PANX1: variants seen among roughly 807,000 people sequenced by gnomAD.
PANX1 encodes pannexin 1.
PANX1 carries 30 observed loss-of-function variants against 38.7 expected under a neutral mutation model. The observed-to-expected ratio is 0.78, with a 90% CI of 0.58 to 1.05. The LOEUF (loss-of-function observed/expected upper bound fraction) is 1.05, where lower values mean the gene tolerates loss of function less well. PANX1 is among the 50% of genes least tolerant of loss of function. The pLI is 0.00. For missense variants in PANX1, 551 were observed against 517.2 expected (o/e 1.07, Z -0.63); for synonymous variants, 230 against 212.2 (o/e 1.08, Z -0.73).
intron 1 of PANX1, among the ~76,000 whole-genome samples, chr11:94,148,764 CAT>C (rs1491372965): frequency 1.3e-5 from 2 of 152,130 alleles, no homozygotes; most frequent in East Asian, 1.9e-4. Flanking sequence ...CTTTTAAAAT[CAT>C]GTGTATATGC....
intron 2 of PANX1, among the ~76,000 whole-genome samples, chr11:94,170,026 T>C (rs1444183868): frequency 1.3e-5 from 2 of 151,862 alleles, no homozygotes; most frequent in Admixed American, 6.5e-5. Context: ...CGTTGATCTC[T>C]TTTTCAAGTT....
chr11:94,152,106 C>G (rs889213821), intron 1 of PANX1, among the ~76,000 whole-genome samples: 2 of 137,416 alleles, frequency 1.5e-5, no homozygotes, highest in African/African-American at 7.3e-5. Context: ...CCCACTGTCC[C>G]TATCATTGCT....
chr11:94,134,527 G>A (rs1314178753), intron 1 of PANX1, among the ~76,000 whole-genome samples: 3 of 152,162 alleles, frequency 2.0e-5, no homozygotes, highest in East Asian at 3.8e-4. Flanking sequence ...TCCCCAATGT[G>A]ATGCTAATTG....
rs58049964 is a variant in PANX1 at position 94,164,313 on chromosome 11, C to G, written c.321+10683C>G. Among the ~76,000 whole-genome samples the G allele has an allele frequency of 0.014, 2,081 of 152,098 alleles. 84 individuals carry two copies. The East Asian group carries it at 0.14, about 10-fold the overall frequency. Reference sequence around the variant, plus strand: ...ATTAAGCTGTTTATTTGAAGTCTTTCTACTTTTTTGATGTAGGTATTTATT... The same window carrying G: ...ATTAAGCTGTTTATTTGAAGTCTTTGTACTTTTTTGATGTAGGTATTTATT... On this transcript the variant is annotated intron_variant, in intron 2 of 4. Transcript: ENST00000227638.
intron 3 of PANX1, among the ~76,000 whole-genome samples, chr11:94,179,116 A>C (rs1002257060): frequency 3.3e-5 from 5 of 152,210 alleles, no homozygotes; most frequent in Admixed American, 2.6e-4. Flanking sequence ...GAGTTATTTA[A>C]GTACATTATC....
At chr11:94,158,123 A>G (rs1288395991) in intron 2 of PANX1, among the ~76,000 whole-genome samples, 1 of 152,214 alleles carries the variant, frequency 6.6e-6, no homozygotes, top group African/African-American at 2.4e-5. Flanking sequence ...TGGTAGCAGT[A>G]CCATGCTGTT....
rs189649511 is a variant in PANX1 at position 94,179,868 on chromosome 11, G to T, written c.812G>T (p.Gly271Val). 2.3e-5 allele frequency: 37 copies of T among 1,614,072 alleles called. No individual in the cohort carries two copies. Among genetic ancestry groups the T allele is most frequent in the Non-Finnish European group, 2.8e-5 (33 of 1,180,032 alleles). The change falls in exon 4 of 5, where the codon GGC (glycine) becomes GTC (valine). Residue 271 changes from glycine (G) to valine (V), a missense_variant. Transcript: ENST00000227638. ...DQFQCKLIAV[G>V]IFQLLSVINL... ...TTTCAGTGCAAACTCATTGCCGTGG[G>T]CATCTTCCAGTTGCTCAGTGTCATT...
chr11:94,149,328 A>C (rs1946859936), intron 1 of PANX1, among the ~76,000 whole-genome samples: 1 of 152,170 alleles, frequency 6.6e-6, no homozygotes. Flanking sequence ...GGTACAGGTC[A>C]AGGCTACACC....
In PANX1 at chr11:94,179,878, G is replaced by A; in HGVS notation, c.822G>A (p.Gln274=). Residue 274 remains glutamine, a synonymous_variant, in exon 4 of 5, where the codon CAG becomes CAA. Transcript: ENST00000227638. ...QCKLIAVGIF[Q]LLSVINLVVY... ...AACTCATTGCCGTGGGCATCTTCCA[G>A]TTGCTCAGTGTCATTAACCTTGTGG... The A allele has an allele frequency of 6.2e-7, 1 of 1,614,104 alleles. No homozygotes were observed. Among genetic ancestry groups the A allele is most frequent in the East Asian group, 2.2e-5 (1 of 44,878 alleles).
chr11:94,151,708 GAACTT>G (rs1289143504), intron 1 of PANX1, among the ~76,000 whole-genome samples: 1 of 152,160 alleles, frequency 6.6e-6, no homozygotes, highest in African/African-American at 2.4e-5. Context: ...TAAAATCTAA[GAACTT>G]AAGTTTAATG....
chr11:94,134,184 A>G (rs1946661642), intron 1 of PANX1, among the ~76,000 whole-genome samples: 1 of 152,212 alleles, frequency 6.6e-6, no homozygotes, highest in African/African-American at 2.4e-5. Context: ...GTACTGTGGA[A>G]GAAGGATGAG....
At chr11:94,168,453 G>A (rs1565383188) in intron 2 of PANX1, among the ~76,000 whole-genome samples, 1 of 150,850 alleles carries the variant, frequency 6.6e-6, no homozygotes, top group Non-Finnish European at 1.5e-5. Context: ...GGCAGGGAGA[G>A]CCACTTGGTA....
chr11:94,180,683 A>G, intron 4 of PANX1, 107 bp from the exon 5 acceptor site: 2 of 638,354 alleles, frequency 3.1e-6, no homozygotes. Context: ...CCAAGAAGCA[A>G]AACATGGTAT....
chr11:94,136,977 G>A (rs1362624338), intron 1 of PANX1, among the ~76,000 whole-genome samples: 1 of 151,986 alleles, frequency 6.6e-6, no homozygotes, highest in Non-Finnish European at 1.5e-5. Flanking sequence ...GAGCAGGCAC[G>A]TCTTATATGG....
At chr11:94,141,020 C>T (rs1016785711) in intron 1 of PANX1, among the ~76,000 whole-genome samples, 9 of 152,166 alleles carry the variant, frequency 5.9e-5, no homozygotes, top group African/African-American at 2.2e-4. Flanking sequence ...CCCAAAACTG[C>T]ACTGCATACA....
At chr11:94,152,085 C>A (rs933328966) in intron 1 of PANX1, among the ~76,000 whole-genome samples, 18 of 137,492 alleles carry the variant, frequency 1.3e-4, no homozygotes, top group African/African-American at 6.5e-4. Context: ...GGAAATCCAG[C>A]TCCGTAACTT....
At chr11:94,170,045 T>A (rs1947147441) in intron 2 of PANX1, among the ~76,000 whole-genome samples, 1 of 151,840 alleles carries the variant, frequency 6.6e-6, no homozygotes, top group South Asian at 2.1e-4. Flanking sequence ...TTTTTCTTTT[T>A]CTTTTTTGAT....
At chr11:94,170,374 G>A (rs1395141685) in intron 2 of PANX1, among the ~76,000 whole-genome samples, 3 of 151,738 alleles carry the variant, frequency 2.0e-5, no homozygotes, top group African/African-American at 7.3e-5. Context: ...CATTAATGTG[G>A]TGACATACAT....
chr11:94,140,030 G>A (rs1407577318), intron 1 of PANX1, among the ~76,000 whole-genome samples: 3 of 152,232 alleles, frequency 2.0e-5, no homozygotes, highest in Non-Finnish European at 4.4e-5. Context: ...GTAATTGTGG[G>A]AAGCTGTAAT....
Sources: allele counts gnomAD v4.1 joint callset (sites outside exome capture counted in the v4.1 genomes callset), GRCh38; gene constraint gnomAD v4.1.1; transcripts MANE v1.5; gene names NCBI Gene and HGNC (gene_info 2026-07-23, HGNC 2026-07-21).